The following DYNC2I1 variants were observed in gnomAD, a reference collection of about 807,000 sequenced individuals.
DYNC2I1 encodes the protein dynein 2 intermediate chain 1.
Under a neutral mutation model 133.4 loss-of-function variants are expected in DYNC2I1, and 89 were observed. That is an observed-to-expected ratio of 0.67 (90% CI 0.56 to 0.80). DYNC2I1 has a LOEUF of 0.80. Among genes scored for constraint, DYNC2I1 ranks in the 30% least tolerant of loss-of-function variants. DYNC2I1 has a pLI of 0.00. For synonymous variants in DYNC2I1, 504 were observed against 484.3 expected (o/e 1.04, Z -0.54); for missense variants, 1,291 against 1,314.5 (o/e 0.98, Z 0.28).
intron 3 of DYNC2I1, among the ~76,000 whole-genome samples, chr7:158,876,227 C>T (rs551456173): frequency 9.2e-5 from 14 of 152,148 alleles, no homozygotes; most frequent in East Asian, 3.9e-4. Context: ...AGGTGCCATA[C>T]GCTTTGAAAC....
intron 11 of DYNC2I1, among the ~76,000 whole-genome samples, chr7:158,909,507 A>G (rs1847174614): frequency 6.6e-6 from 1 of 152,198 alleles, no homozygotes; most frequent in African/African-American, 2.4e-5. Flanking sequence ...AAAACGCTCC[A>G]GTGATACGAG....
rs764594997 is a variant in DYNC2I1, at chr7:158,945,867, T to C, written c.*88T>C. ...AATTCTACATTTGTGTGCAAGTATATTTATGTATATAGACTATGTATATTC... is the reference window on the plus strand; with the variant it reads ...AATTCTACATTTGTGTGCAAGTATACTTATGTATATAGACTATGTATATTC... On this transcript the variant is annotated 3_prime_UTR_variant, in exon 25 of 25. Transcript: ENST00000407559. The surrounding 1 kb of genome is among the most constrained non-coding windows in gnomAD (Gnocchi z 4.1). 1 of 1,265,970 alleles carries C rather than the reference T, an allele frequency of 7.9e-7. No individual in the cohort carries two copies. Among genetic ancestry groups the C allele is most frequent in the Admixed American group, 3.1e-5 (1 of 31,774 alleles). The allele number at this position is 1,265,970 out of a possible 1,614,324, so 78.4% of individuals were successfully genotyped here. A position where few individuals can be genotyped will look rare whatever the true frequency, so the allele number is the denominator to read the frequency against.
chr7:158,905,594 A>G (rs1236116352), intron 10 of DYNC2I1, among the ~76,000 whole-genome samples: 1 of 152,176 alleles, frequency 6.6e-6, no homozygotes, highest in Non-Finnish European at 1.5e-5. Flanking sequence ...AATTGATTCA[A>G]TATTAATTTG....
chr7:158,893,758 G>C (rs946615501), intron 8 of DYNC2I1, among the ~76,000 whole-genome samples: 22 of 144,720 alleles, frequency 1.5e-4, no homozygotes, highest in Non-Finnish European at 4.6e-5. Flanking sequence ...ATATATCATA[G>C]TGCATATCCT....
chr7:158,929,537 C>T (rs1037389457), intron 20 of DYNC2I1, among the ~76,000 whole-genome samples: 1 of 152,200 alleles, frequency 6.6e-6, no homozygotes, highest in South Asian at 2.1e-4. Flanking sequence ...GCGTGGGAGC[C>T]GAGACGCCAG....
At chr7:158,922,577 T>G (rs773901129) in intron 16 of DYNC2I1, 28 bp downstream of exon 16, 1 of 1,604,278 alleles carries the variant, frequency 6.2e-7, no homozygotes, top group Non-Finnish European at 8.5e-7. Context: ...AGTCGCACGT[T>G]TGATGGGAGG....
At chr7:158,903,629 C>T (rs954500020) in intron 10 of DYNC2I1, 1 of 152,196 alleles carries the variant, frequency 6.6e-6, no homozygotes, top group Non-Finnish European at 1.5e-5. Flanking sequence ...AGGTAAGGAT[C>T]TGCCCCTTCT....
intron 23 of DYNC2I1, 88 bp downstream of exon 23, chr7:158,934,637 G>A: frequency 1.5e-6 from 2 of 1,376,082 alleles, no homozygotes; most frequent in Non-Finnish European, 2.0e-6. Context: ...CTGGAGTGCA[G>A]TGATGTGGTC....
intron 8 of DYNC2I1, among the ~76,000 whole-genome samples, chr7:158,897,904 C>G (rs1320640557): frequency 1.3e-5 from 2 of 152,200 alleles, no homozygotes; most frequent in African/African-American, 4.8e-5. Context: ...CCTCTAAGCA[C>G]TGCTTTTGTT....
intron 1 of DYNC2I1, among the ~76,000 whole-genome samples, chr7:158,859,165 G>A (rs1285126396): frequency 1.3e-5 from 2 of 149,772 alleles, no homozygotes; most frequent in South Asian, 2.2e-4. Context: ...CTGGCCTGTC[G>A]CATACCTTTT....
rs200349835 is a variant in DYNC2I1, at chr7:158,913,110, C to G, written c.1702+14C>G. 104 of 1,577,222 alleles carry G rather than the reference C, an allele frequency of 6.6e-5. 1 individual carries two copies. In the East Asian group the frequency reaches 1.9e-3, roughly 30 times the overall value. On this transcript the variant is annotated intron_variant, in intron 13 of 24. Coordinates refer to ENST00000407559, the MANE Select transcript of DYNC2I1 (RefSeq NM_018051.5). Reference sequence around the variant, plus strand: ...TTGTATCTGGAGGTAACATCTTGCTCTTGAGTGTTGACCATTGACTCTCTT... The same window carrying G: ...TTGTATCTGGAGGTAACATCTTGCTGTTGAGTGTTGACCATTGACTCTCTT...
intron 5 of DYNC2I1, among the ~76,000 whole-genome samples, chr7:158,882,074 G>A (rs963750312): frequency 1.3e-5 from 2 of 152,146 alleles, no homozygotes; most frequent in Non-Finnish European, 1.5e-5. Flanking sequence ...CTGTATCTTT[G>A]TAAAACCACT....
At chr7:158,885,415 C>G (rs912797558) in intron 6 of DYNC2I1, among the ~76,000 whole-genome samples, 1 of 151,210 alleles carries the variant, frequency 6.6e-6, no homozygotes, top group African/African-American at 2.4e-5. Context: ...AATCTCGGCT[C>G]ACTGCAACCT....
chr7:158,893,814 C>T (rs2129482665), intron 8 of DYNC2I1, among the ~76,000 whole-genome samples: 1 of 152,198 alleles, frequency 6.6e-6, no homozygotes, highest in East Asian at 1.9e-4. Flanking sequence ...CACCGCATAT[C>T]ATACCGTATA....
chr7:158,854,467 C>A (rs554946233), upstream of DYNC2I1, among the ~76,000 whole-genome samples: 1 of 131,332 alleles, frequency 7.6e-6, no homozygotes, highest in African/African-American at 3.0e-5. Flanking sequence ...CACATGGACA[C>A]AGGGAGAGGA....
rs142032136 is a variant in DYNC2I1, at chr7:158,891,678, C to A, written c.1059+345C>A. On this transcript the variant is annotated intron_variant, in intron 8 of 24. Transcript: ENST00000407559. Reference sequence around the variant, plus strand: ...TAGGGTGAATGAACAGACAGCCTTCCCATTGTTGCTCTGTGTGTAAGTTGA... The same window carrying A: ...TAGGGTGAATGAACAGACAGCCTTCACATTGTTGCTCTGTGTGTAAGTTGA... 5.3e-4 allele frequency among the ~76,000 whole-genome samples: 80 copies of A among 152,192 alleles called. No individual in the cohort carries two copies. In the East Asian group the frequency reaches 0.015, roughly 28 times the overall value.
chr7:158,893,982 C>T (rs1336307113), intron 8 of DYNC2I1, among the ~76,000 whole-genome samples: 1 of 152,130 alleles, frequency 6.6e-6, no homozygotes, highest in Non-Finnish European at 1.5e-5. Flanking sequence ...TATTGTAATG[C>T]ATGTCACACC....
At chr7:158,874,715 T>C (rs574882682) in intron 3 of DYNC2I1, among the ~76,000 whole-genome samples, 1 of 152,306 alleles carries the variant, frequency 6.6e-6, no homozygotes, top group Non-Finnish European at 1.5e-5. Context: ...CTGGATCTAG[T>C]CTCATGGTTT....
intron 23 of DYNC2I1, among the ~76,000 whole-genome samples, chr7:158,940,964 G>A (rs1276543999): frequency 6.6e-6 from 1 of 152,006 alleles, no homozygotes; most frequent in African/African-American, 2.4e-5. Flanking sequence ...ATTAGTGGAA[G>A]GAAAGAAATA....
Sources: gnomAD v4.1 joint callset for allele counts (sites outside exome capture counted in the v4.1 genomes callset) on GRCh38, gnomAD v4.1.1 for gene constraint, Gnocchi (gnomAD v3.1) non-coding constraint, MANE v1.5 for transcripts, NCBI Gene and HGNC (gene_info 2026-07-23, HGNC 2026-07-21) for gene names.